CHRM2: variants seen among roughly 807,000 people sequenced by gnomAD.
The protein encoded by CHRM2 is cholinergic receptor muscarinic 2.
Under a neutral mutation model 25.0 loss-of-function variants are expected in CHRM2, and 8 were observed. The observed-to-expected ratio is 0.32, with a 90% CI of 0.19 to 0.58. The LOEUF (loss-of-function observed/expected upper bound fraction) is 0.58. Among genes scored for constraint, CHRM2 ranks in the 20% least tolerant of loss-of-function variants. The probability of loss-of-function intolerance (pLI) is 0.88; values close to 1 mark genes in which losing one functional copy is unlikely to be tolerated. For missense variants in CHRM2, 440 were observed against 567.1 expected, an observed-to-expected ratio of 0.78 and a Z score of 2.28; for synonymous variants, 202 against 205.7, an observed-to-expected ratio of 0.98 and a Z score of 0.15.
chr7:136,929,694 G>C (rs1798950109), intron 2 of CHRM2, among the ~76,000 whole-genome samples: 1 of 151,916 alleles, frequency 6.6e-6, no homozygotes, highest in African/African-American at 2.4e-5. Flanking sequence ...ATACAGAAAA[G>C]AAAATAAAAA....
chr7:136,952,906 T>C (rs995277553), intron 2 of CHRM2, among the ~76,000 whole-genome samples: 2 of 152,172 alleles, frequency 1.3e-5, no homozygotes, highest in Non-Finnish European at 2.9e-5. Flanking sequence ...AAGGACATGA[T>C]CTCGTTCTTT....
At position 137,015,791 on chromosome 7, in the gene CHRM2, C is replaced by A; in HGVS notation, c.926C>A (p.Ser309Tyr). The part of the protein sequence containing the change: ...DEITQDENTV[S>Y]TSLGHSKDEN... ...ATAACCCAGGATGAAAACACAGTTTCCACTTCCCTGGGCCATTCCAAAGAT... is the reference window on the plus strand; with the variant it reads ...ATAACCCAGGATGAAAACACAGTTTACACTTCCCTGGGCCATTCCAAAGAT... The change falls in exon 4 of 4, where the codon TCC (serine) becomes TAC (tyrosine). Residue 309 changes from serine to tyrosine, a missense_variant. Ser to Tyr is a moderately radical substitution (Grantham distance 144, BLOSUM62 -2). Around this residue, in one of 5 missense-constraint regions of CHRM2, gnomAD observed 261 missense variants for 261.8 expected, o/e 1.00. Transcript: ENST00000680005. The surrounding 1 kb of genome is among the most constrained non-coding windows in gnomAD (Gnocchi z 5.1). The A allele has an allele frequency of 1.2e-6, 2 of 1,613,188 alleles. No individual in the cohort carries two copies. The highest frequency in any genetic ancestry group is 1.7e-6 in the Non-Finnish European group (2 of 1,179,502).
intron 2 of CHRM2, among the ~76,000 whole-genome samples, chr7:136,931,448 C>T (rs1421169915): frequency 6.6e-6 from 1 of 152,150 alleles, no homozygotes; most frequent in African/African-American, 2.4e-5. Context: ...AGAAGAACCT[C>T]CTGGAGCTAT....
chr7:136,936,985 G>GT (rs1356805313), intron 2 of CHRM2, among the ~76,000 whole-genome samples: 1 of 152,068 alleles, frequency 6.6e-6, no homozygotes, highest in Non-Finnish European at 1.5e-5. Context: ...CAAACCATTT[G>GT]TATCAAACTA....
chr7:136,983,724 G>A (rs982462937), intron 2 of CHRM2, among the ~76,000 whole-genome samples: 3 of 152,160 alleles, frequency 2.0e-5, no homozygotes, highest in Non-Finnish European at 4.4e-5. Context: ...TTTGCTGGGG[G>A]TCCACTTCAG....
At chr7:136,938,666 C>T (rs1332429008) in intron 2 of CHRM2, 7 of 804,108 alleles carry the variant, frequency 8.7e-6, no homozygotes, top group East Asian at 2.6e-5. Flanking sequence ...CGTGCAGGAG[C>T]GGCTGCTGAA....
chr7:136,938,300 T>A, intron 2 of CHRM2: 1 of 1,157,544 alleles, frequency 8.6e-7, no homozygotes. Context: ...AGGTTGTTGA[T>A]GTAGCTCTCG....
chr7:136,917,734 T>C (rs1007190832), intron 2 of CHRM2, among the ~76,000 whole-genome samples: 1 of 152,116 alleles, frequency 6.6e-6, no homozygotes, highest in Admixed American at 6.6e-5. Flanking sequence ...TGATACAGGA[T>C]TTTTTAAAAA....
chr7:136,903,746 GTTAA>G (rs1797369586), intron 2 of CHRM2, among the ~76,000 whole-genome samples: 1 of 151,798 alleles, frequency 6.6e-6, no homozygotes, highest in Non-Finnish European at 1.5e-5. Context: ...GTTTTATAAT[GTTAA>G]TTAATAATGC....
chr7:136,883,470 G>A lies in CHRM2; in HGVS notation c.-125+14052G>A, dbSNP rs967508146. ...AGGAGACTTACTAAGGGTAAAAACAGTCGTAGCTTATTATGTGGGTGACAG... is the reference window on the plus strand; with the variant it reads ...AGGAGACTTACTAAGGGTAAAAACAATCGTAGCTTATTATGTGGGTGACAG... On this transcript the variant is annotated intron_variant, in intron 2 of 3. Coordinates refer to ENST00000680005, the MANE Select transcript of CHRM2 (RefSeq NM_001006630.2). Among the ~76,000 whole-genome samples, 5 of 152,218 alleles carry A rather than the reference G, an allele frequency of 3.3e-5. No homozygotes were observed. The East Asian group carries it at 9.7e-4, about 29-fold the overall frequency.
chr7:136,936,557 A>T (rs1799423130), intron 2 of CHRM2, among the ~76,000 whole-genome samples: 1 of 152,138 alleles, frequency 6.6e-6, no homozygotes, highest in Non-Finnish European at 1.5e-5. Context: ...GTCACAGATA[A>T]ATTGTTTAAG....
At chr7:136,946,813 T>A (rs1800099670) in intron 2 of CHRM2, among the ~76,000 whole-genome samples, 1 of 152,148 alleles carries the variant, frequency 6.6e-6, no homozygotes, top group African/African-American at 2.4e-5. Flanking sequence ...ATGGAAATAC[T>A]TATGATGGAA....
chr7:136,953,326 T>C (rs1029496885), intron 2 of CHRM2, among the ~76,000 whole-genome samples: 1 of 152,174 alleles, frequency 6.6e-6, no homozygotes. Flanking sequence ...TTTCTGGTAG[T>C]GACAAATGGA....
Position 137,011,215 on chromosome 7 carries a change from G to GTGTGTGTGTGTATATATATATATA in CHRM2, c.-46-3604_-46-3603insGTGTGTGTGTATATATATATATAT. Among the ~76,000 whole-genome samples the GTGTGTGTGTGTATATATATATATA allele has an allele frequency of 1.6e-3, 219 of 134,280 alleles. 1 individual carries two copies. The highest frequency in any genetic ancestry group is 2.2e-3 in the Non-Finnish European group (140 of 64,760). 88.1% of individuals were successfully genotyped at this position (134,280 alleles called of 152,430 possible). A position where few individuals can be genotyped will look rare whatever the true frequency, so the allele number is the denominator to read the frequency against. On this transcript the variant is annotated intron_variant, in intron 3 of 3. Transcript: ENST00000680005. ...TGTACGTGTGTGTGTGTGTGTGTGT[G>GTGTGTGTGTGTATATATATATATA]TATATATATATATATATATGGATTT...
chr7:137,014,842 TG>T lies in CHRM2; in HGVS notation c.-22del. The T allele has an allele frequency of 6.2e-7, 1 of 1,600,098 alleles. No homozygotes were observed. The highest frequency in any genetic ancestry group is 2.2e-5 in the East Asian group (1 of 44,614). ...CAGGTTTAAATGTTTATTTGCTACT[TG>T]GCTACTGATTAGAGAACGCAAAATG... On this transcript the variant is annotated 5_prime_UTR_variant, in exon 4 of 4. The change abolishes the stop of an existing upstream ORF in the 5' untranslated region. Coordinates refer to ENST00000680005, the MANE Select transcript of CHRM2 (RefSeq NM_001006630.2).
intron 2 of CHRM2, among the ~76,000 whole-genome samples, chr7:136,937,151 T>G (rs1799461689): frequency 6.6e-6 from 1 of 152,200 alleles, no homozygotes; most frequent in Admixed American, 6.5e-5. Context: ...ATAATTTTTC[T>G]GATTTACTCA....
At chr7:136,999,309 C>T (rs1291482961) in intron 3 of CHRM2, among the ~76,000 whole-genome samples, 1 of 152,120 alleles carries the variant, frequency 6.6e-6, no homozygotes, top group African/African-American at 2.4e-5. Flanking sequence ...GTGCAGCAAA[C>T]CACCATGGCA....
intron 3 of CHRM2, among the ~76,000 whole-genome samples, chr7:136,996,421 T>C (rs977791012): frequency 1.3e-5 from 2 of 152,116 alleles, no homozygotes; most frequent in African/African-American, 4.8e-5. Context: ...GAATATTTTA[T>C]TTATCTGATT....
intron 3 of CHRM2, among the ~76,000 whole-genome samples, chr7:136,997,453 C>G (rs1288163998): frequency 6.6e-6 from 1 of 152,090 alleles, no homozygotes; most frequent in East Asian, 1.9e-4. Flanking sequence ...GTTTACTTCT[C>G]TAAATGTTCT....
Sources: allele counts gnomAD v4.1 joint callset (sites outside exome capture counted in the v4.1 genomes callset), GRCh38; gene constraint gnomAD v4.1.1; regional missense constraint gnomAD v4.1.1; non-coding constraint Gnocchi (gnomAD v3.1); transcripts MANE v1.5; gene names NCBI Gene and HGNC (gene_info 2026-07-23, HGNC 2026-07-21).